The following DLG2 variants were observed in gnomAD, a reference collection of about 807,000 sequenced individuals.
DLG2 encodes the protein disks large homolog 2.
In DLG2, 45 loss-of-function variants were observed where a neutral mutation model predicts 132.5. The observed-to-expected ratio is 0.34, with a 90% CI of 0.27 to 0.44. The LOEUF (loss-of-function observed/expected upper bound fraction) is 0.44, where lower values mean the gene tolerates loss of function less well. Among genes scored for constraint, DLG2 ranks in the 20% least tolerant of loss-of-function variants. The pLI is 1.00. For missense variants in DLG2, 1,045 were observed against 1,196.9 expected, an observed-to-expected ratio of 0.87 and a Z score of 1.87; for synonymous variants, 424 against 419.6, an observed-to-expected ratio of 1.01 and a Z score of -0.13.
intron 17 of DLG2, among the ~76,000 whole-genome samples, chr11:83,812,086 C>T (rs1206360780): frequency 6.6e-6 from 1 of 152,138 alleles, no homozygotes; most frequent in Non-Finnish European, 1.5e-5. Flanking sequence ...AGCTTTTGAA[C>T]TTCCATCTGT....
intron 3 of DLG2, among the ~76,000 whole-genome samples, chr11:85,423,405 C>T (rs2090471316): frequency 6.6e-6 from 1 of 152,136 alleles, no homozygotes; most frequent in Non-Finnish European, 1.5e-5. Flanking sequence ...TGCTGGTTGG[C>T]CTCCTGCCAG....
At chr11:84,390,512 G>A (rs1284296474) in intron 7 of DLG2, among the ~76,000 whole-genome samples, 1 of 152,120 alleles carries the variant, frequency 6.6e-6, no homozygotes, top group African/African-American at 2.4e-5. Flanking sequence ...AGGGTTTGTA[G>A]GGGAGAGGTC....
At chr11:84,874,801 A>C (rs537311013) in intron 6 of DLG2, among the ~76,000 whole-genome samples, 31 of 152,152 alleles carry the variant, frequency 2.0e-4, no homozygotes, top group African/African-American at 7.2e-4. Flanking sequence ...CGAGCTGATT[A>C]CCTGAGGTCA....
chr11:84,452,994 C>T (rs2099055803), intron 7 of DLG2, among the ~76,000 whole-genome samples: 1 of 151,450 alleles, frequency 6.6e-6, no homozygotes. Context: ...ATTCCAATCA[C>T]CCTGATTTGA....
chr11:84,141,333 T>C (rs150238955), intron 9 of DLG2, among the ~76,000 whole-genome samples: 2 of 151,664 alleles, frequency 1.3e-5, no homozygotes, highest in East Asian at 3.9e-4. Context: ...TATAAATATA[T>C]ATGAAACAAC....
At chr11:84,022,404 C>A (rs910975972) in intron 11 of DLG2, among the ~76,000 whole-genome samples, 2 of 152,172 alleles carry the variant, frequency 1.3e-5, no homozygotes, top group African/African-American at 4.8e-5. Context: ...TTGACATTTA[C>A]TCCTGCAAAA....
intron 17 of DLG2, among the ~76,000 whole-genome samples, chr11:83,813,738 A>C (rs1411840959): frequency 1.3e-5 from 2 of 152,112 alleles, no homozygotes; most frequent in Non-Finnish European, 2.9e-5. Flanking sequence ...TTTCTGCAGA[A>C]TGGTCTTGCA....
intron 7 of DLG2, among the ~76,000 whole-genome samples, chr11:84,452,610 C>T (rs374684702): frequency 1.3e-4 from 20 of 151,752 alleles, no homozygotes; most frequent in African/African-American, 4.6e-4. Context: ...AAGGTAGATC[C>T]AACAGATTGT....
At chr11:84,082,319 T>C (rs1276241059) in intron 10 of DLG2, among the ~76,000 whole-genome samples, 3 of 151,946 alleles carry the variant, frequency 2.0e-5, no homozygotes, top group Non-Finnish European at 4.4e-5. Flanking sequence ...TATGAAGGAG[T>C]ATAATAAATA....
At chr11:84,078,254 A>T (rs1313662685) in intron 10 of DLG2, among the ~76,000 whole-genome samples, 1 of 152,208 alleles carries the variant, frequency 6.6e-6, no homozygotes, top group South Asian at 2.1e-4. Context: ...TCATATAAAC[A>T]GGTAGATGGG....
intron 14 of DLG2, among the ~76,000 whole-genome samples, chr11:83,943,853 C>A (rs1037787762): frequency 1.3e-5 from 2 of 152,192 alleles, no homozygotes; most frequent in African/African-American, 4.8e-5. Flanking sequence ...TGTTCTTCCA[C>A]CTATCTGTGT....
chr11:84,459,438 A>ACCC (rs1184674588), intron 7 of DLG2, among the ~76,000 whole-genome samples: 2 of 150,806 alleles, frequency 1.3e-5, no homozygotes, highest in Non-Finnish European at 3.0e-5. Flanking sequence ...AAAATAATTT[A>ACCC]TTATTTGGCC....
intron 7 of DLG2, among the ~76,000 whole-genome samples, chr11:84,491,261 G>A (rs112846888): frequency 0.075 from 11,371 of 152,010 alleles, 1,446 homozygotes; most frequent in African/African-American, 0.26. Context: ...GGTCTTTCTC[G>A]TGCTGTTCTC....
intron 7 of DLG2, among the ~76,000 whole-genome samples, chr11:84,383,001 C>T (rs1189029493): frequency 6.6e-6 from 1 of 151,848 alleles, no homozygotes; most frequent in Admixed American, 6.6e-5. Context: ...TCCATCTGTC[C>T]TCCACATTGC....
chr11:84,037,536 T>C (rs1469556553), intron 11 of DLG2, among the ~76,000 whole-genome samples: 1 of 152,126 alleles, frequency 6.6e-6, no homozygotes, highest in African/African-American at 2.4e-5. Context: ...AAAACTGTAT[T>C]TCAAGACAGT....
At chr11:85,246,785 T>C (rs146555337) in intron 4 of DLG2, among the ~76,000 whole-genome samples, 5 of 152,224 alleles carry the variant, frequency 3.3e-5, no homozygotes, top group Non-Finnish European at 7.4e-5. Context: ...ATTTGTGTAG[T>C]TGTATAATAA....
chr11:83,507,524 A>G (rs2094774011), intron 21 of DLG2, among the ~76,000 whole-genome samples: 1 of 146,134 alleles, frequency 6.8e-6, no homozygotes, highest in Admixed American at 6.9e-5. Context: ...ATATATCCAT[A>G]TATATATCCT....
intron 3 of DLG2, among the ~76,000 whole-genome samples, chr11:85,539,344 A>G (rs1325479411): frequency 6.6e-6 from 1 of 152,240 alleles, no homozygotes; most frequent in Non-Finnish European, 1.5e-5. Flanking sequence ...CTTGGGCTGC[A>G]TAAAACTTTG....
At chr11:84,976,580 C>T (rs553345230) in intron 6 of DLG2, among the ~76,000 whole-genome samples, 33 of 152,132 alleles carry the variant, frequency 2.2e-4, no homozygotes, top group African/African-American at 7.9e-4. Flanking sequence ...GAGTGGTTTC[C>T]TCCAGCCAAA....
Sources: allele counts gnomAD v4.1 joint callset (sites outside exome capture counted in the v4.1 genomes callset), GRCh38; gene constraint gnomAD v4.1.1; transcripts MANE v1.5; gene names NCBI Gene and HGNC (gene_info 2026-07-23, HGNC 2026-07-21).